PTGIS: variants seen among roughly 807,000 people sequenced by gnomAD.
PTGIS encodes the protein prostacyclin synthase.
Under a neutral mutation model 50.3 loss-of-function variants are expected in PTGIS, and 45 were observed. The ratio of observed to expected loss-of-function variants is 0.90; its 90% CI spans 0.70 to 1.15. The LOEUF is 1.15. PTGIS is among the 50% of genes most tolerant of loss of function. PTGIS has a pLI of 0.00. For synonymous variants in PTGIS, 260 were observed against 267.7 expected, an observed-to-expected ratio of 0.97 and a Z score of 0.28; for missense variants, 668 against 661.3, an observed-to-expected ratio of 1.01 and a Z score of -0.11.
chr20:49,537,703 C>T (rs1179331306), intron 5 of PTGIS, among the ~76,000 whole-genome samples: 16 of 151,988 alleles, frequency 1.1e-4, no homozygotes, highest in Non-Finnish European at 1.5e-5. Flanking sequence ...TGCAGCGAGC[C>T]GAGATTGTGC....
intron 4 of PTGIS, among the ~76,000 whole-genome samples, chr20:49,544,080 T>C (rs1982295801): frequency 6.6e-6 from 1 of 152,210 alleles, no homozygotes; most frequent in South Asian, 2.1e-4. Context: ...GAATGACCTG[T>C]AAGGTCCCAT....
At chr20:49,520,490 T>C (rs1211638899) in intron 6 of PTGIS, among the ~76,000 whole-genome samples, 3 of 151,892 alleles carry the variant, frequency 2.0e-5, no homozygotes, top group African/African-American at 7.3e-5. Context: ...TGTGCGACCA[T>C]GCCTGGCTAA....
At chr20:49,558,231 A>G (rs1390598074) in intron 1 of PTGIS, among the ~76,000 whole-genome samples, 1 of 152,186 alleles carries the variant, frequency 6.6e-6, no homozygotes, top group Non-Finnish European at 1.5e-5. Flanking sequence ...TCTACAAAAA[A>G]TACAAAAATT....
chr20:49,538,256 GAAAA>G (rs58986753), intron 5 of PTGIS, among the ~76,000 whole-genome samples: 85 of 30,266 alleles, frequency 2.8e-3, no homozygotes, highest in African/African-American at 9.2e-3. Context: ...CCCTGGTTCA[GAAAA>G]AAAAAAAAAA....
At chr20:49,509,518 C>T (rs959143310) in intron 9 of PTGIS, among the ~76,000 whole-genome samples, 1 of 152,108 alleles carries the variant, frequency 6.6e-6, no homozygotes, top group Admixed American at 6.5e-5. Flanking sequence ...TGAATTTGTT[C>T]CAATAGGATT....
rs746709446 is a variant in PTGIS at position 49,539,730 on chromosome 20, G to A, written c.522-9C>T. 1.2e-4 allele frequency: 193 copies of A among 1,608,284 alleles called. No homozygotes were observed. Among genetic ancestry groups the A allele is most frequent in the Admixed American group, 9.2e-4 (55 of 59,736 alleles). ...GAGTCAGGTAGCCGGCTCTGGGGGC[G>A]GCAGACAGAGGGTCAGGGGTCCTCC... On this transcript the variant is annotated splice_polypyrimidine_tract_variant and intron_variant, in intron 4 of 9. Transcript: ENST00000244043.
At chr20:49,537,948 C>T (rs6067118) in intron 5 of PTGIS, among the ~76,000 whole-genome samples, 84 of 152,028 alleles carry the variant, frequency 5.5e-4, no homozygotes, top group Admixed American at 1.8e-3. Context: ...AAATACTATA[C>T]GGCAATAAAA....
chr20:49,554,158 T>G (rs559889534), intron 1 of PTGIS, among the ~76,000 whole-genome samples: 1 of 152,154 alleles, frequency 6.6e-6, no homozygotes, highest in African/African-American at 2.4e-5. Context: ...CAGCTTTCTC[T>G]CCTCTTTGAG....
chr20:49,511,208 C>A, intron 8 of PTGIS, 29 bp from the exon 9 acceptor site: 1 of 1,612,914 alleles, frequency 6.2e-7, no homozygotes, highest in African/African-American at 1.3e-5. Flanking sequence ...CCTTTTCTGA[C>A]CCCATTCCCA....
In PTGIS at chr20:49,539,689, G is replaced by A. The variant is rs750488194; in HGVS notation, c.554C>T (p.Ala185Val). 17 of 1,613,304 alleles carry A rather than the reference G, an allele frequency of 1.1e-5. No homozygotes were observed. Among genetic ancestry groups the A allele is most frequent in the African/African-American group, 1.3e-5 (1 of 74,942 alleles). Reference protein sequence around the residue: ...AGYLTLYGIEALPRTHESQAQ... With the variant: ...AGYLTLYGIEVLPRTHESQAQ... Reference sequence around the variant, plus strand: ...CTGGCTTTCATGGGTGCGTGGCAGCGCCTCAATTCCGTAAAGAGTCAGGTA... The same window carrying A: ...CTGGCTTTCATGGGTGCGTGGCAGCACCTCAATTCCGTAAAGAGTCAGGTA... The change falls in exon 5 of 10, where the codon GCG (alanine) becomes GTG (valine). Residue 185 changes from alanine to valine, a missense_variant. By Grantham distance (64) the Ala-to-Val change is moderately conservative. Coordinates refer to ENST00000244043, the MANE Select transcript of PTGIS (RefSeq NM_000961.4).
At chr20:49,561,448 C>T (rs1189248742) in intron 1 of PTGIS, among the ~76,000 whole-genome samples, 1 of 152,188 alleles carries the variant, frequency 6.6e-6, no homozygotes, top group Non-Finnish European at 1.5e-5. Context: ...CCTTGTGCCT[C>T]ATCTTTTTGT....
In PTGIS at chr20:49,507,987, C is replaced by T. The variant is rs1776913712; in HGVS notation, c.1436G>A (p.Ser479Asn). 2 of 1,613,954 alleles carry T rather than the reference C, an allele frequency of 1.2e-6. No homozygotes were observed. The highest frequency in any genetic ancestry group is 1.3e-5 in the African/African-American group (1 of 75,064). Residue 479 changes from serine (S) to asparagine (N), a missense_variant, in exon 10 of 10, where the codon AGC becomes AAC. By Grantham distance (46) the Ser-to-Asn change is conservative. Coordinates refer to ENST00000244043, the MANE Select transcript of PTGIS (RefSeq NM_000961.4). ...ADVEIPEFDL[S>N]RYGFGLMQPE... ...CTGCATCAGACCGAAGCCGTACCTG[C>T]TGAGGTCAAACTCAGGGATCTCCAC...
rs1939419907 is a variant in PTGIS, at chr20:49,504,706, A to T, written c.*3214T>A. On this transcript the variant is annotated 3_prime_UTR_variant, in exon 10 of 10. Transcript: ENST00000244043. ...TGAAACTCCGTCTCAAAAAAAAAAAAAAAAGTTTAAAAAGCGAGTCTGTTT... is the reference window on the plus strand; with the variant it reads ...TGAAACTCCGTCTCAAAAAAAAAAATAAAAGTTTAAAAAGCGAGTCTGTTT... 6.6e-6 allele frequency: 1 copy of T among 152,190 alleles called. No homozygotes were observed. The highest frequency in any genetic ancestry group is 2.4e-5 in the African/African-American group (1 of 41,442). The allele number at this position is 152,190 out of a possible 1,614,324, so 9.4% of individuals were successfully genotyped here.
At chr20:49,537,577 A>G (rs1982112482) in intron 5 of PTGIS, among the ~76,000 whole-genome samples, 1 of 152,142 alleles carries the variant, frequency 6.6e-6, no homozygotes, top group Non-Finnish European at 1.5e-5. Context: ...CAACATGGCG[A>G]AACACTGTCT....
intron 1 of PTGIS, among the ~76,000 whole-genome samples, chr20:49,551,250 C>G (rs751153695): frequency 6.6e-6 from 1 of 152,076 alleles, no homozygotes; most frequent in South Asian, 2.1e-4. Flanking sequence ...TGGTTCAGGC[C>G]GTGGTGGGAA....
In PTGIS at chr20:49,540,695, G is replaced by A. The variant is rs1032919123; in HGVS notation, c.522-974C>T. Among the ~76,000 whole-genome samples the A allele has an allele frequency of 1.3e-5, 2 of 152,154 alleles. No individual in the cohort carries two copies. The highest frequency in any genetic ancestry group is 2.9e-5 in the Non-Finnish European group (2 of 68,016). ...CGCACACGCACACACACAGGACCAC[G>A]CTCAGAGGACGCGCCTTCACCTCCA... On this transcript the variant is annotated intron_variant, in intron 4 of 9. Coordinates refer to ENST00000244043, the MANE Select transcript of PTGIS (RefSeq NM_000961.4). This position sits in a 1 kb window ranked among gnomAD's most constrained non-coding sequence, Gnocchi z 4.8.
intron 6 of PTGIS, among the ~76,000 whole-genome samples, chr20:49,523,039 TAAAAG>T (rs1398833913): frequency 6.6e-6 from 1 of 151,630 alleles, no homozygotes; most frequent in East Asian, 1.9e-4. Flanking sequence ...ATAAAAAAAT[TAAAAG>T]AAAAGAAAAC....
intron 1 of PTGIS, among the ~76,000 whole-genome samples, chr20:49,561,202 AC>A (rs1269648986): frequency 6.6e-6 from 1 of 150,968 alleles, no homozygotes; most frequent in Non-Finnish European, 1.5e-5. Context: ...TTTTCCCTCT[AC>A]CTGGCTGCCC....
In PTGIS at chr20:49,516,946, C is replaced by A. The variant is rs146382702; in HGVS notation, c.856-2551G>T. On this transcript the variant is annotated intron_variant, in intron 6 of 9. Coordinates refer to ENST00000244043, the MANE Select transcript of PTGIS (RefSeq NM_000961.4). ...AGAGGTGGGTTCAAATCCCAGCTCC[C>A]CACTTTCTGTGACTGTGGACAAGTC... is the stretch of plus-strand genomic sequence containing the variant. Among the ~76,000 whole-genome samples, 4 of 152,296 alleles carry A rather than the reference C, an allele frequency of 2.6e-5. No homozygotes were observed. The East Asian group carries it at 7.7e-4, about 29-fold the overall frequency.
Sources: gnomAD v4.1 joint callset for allele counts (sites outside exome capture counted in the v4.1 genomes callset) on GRCh38, gnomAD v4.1.1 for gene constraint, Gnocchi (gnomAD v3.1) non-coding constraint, MANE v1.5 for transcripts, NCBI Gene and HGNC (gene_info 2026-07-23, HGNC 2026-07-21) for gene names.